The following PDE5A variants were observed in gnomAD, a reference collection of about 807,000 sequenced individuals.
The protein encoded by PDE5A is phosphodiesterase 5A.
A neutral mutation model predicts 110.2 loss-of-function variants in PDE5A; 67 were observed. The observed-to-expected ratio is 0.61, with a 90% confidence interval of 0.50 to 0.75. PDE5A has a LOEUF of 0.75. Among genes scored for constraint, PDE5A ranks in the 30% least tolerant of loss-of-function variants. The pLI is 0.00. For synonymous variants in PDE5A, 328 were observed against 351.2 expected (o/e 0.93, Z 0.74); for missense variants, 862 against 1,045.1 (o/e 0.82, Z 2.42).
At chr4:119,526,414 C>T (rs527945253) in intron 11 of PDE5A, among the ~76,000 whole-genome samples, 8 of 152,246 alleles carry the variant, frequency 5.3e-5, no homozygotes, top group South Asian at 2.1e-4. Context: ...CTGAGCAGAG[C>T]GCACAGGCTC....
chr4:119,570,707 C>T (rs1050272632), intron 3 of PDE5A, among the ~76,000 whole-genome samples: 1 of 152,136 alleles, frequency 6.6e-6, no homozygotes, highest in Non-Finnish European at 1.5e-5. Context: ...AATCCCAATA[C>T]ATTTCCCCAT....
chr4:119,610,965 T>C (rs1197553369), intron 1 of PDE5A, among the ~76,000 whole-genome samples: 1 of 152,164 alleles, frequency 6.6e-6, no homozygotes, highest in African/African-American at 2.4e-5. Flanking sequence ...GCTACCCTAC[T>C]TGGCTTTTCA....
intron 9 of PDE5A, among the ~76,000 whole-genome samples, chr4:119,547,134 A>T: frequency 6.7e-6 from 1 of 148,226 alleles, no homozygotes; most frequent in East Asian, 1.9e-4. Flanking sequence ...TTAAATAACA[A>T]ATTCTTTCTC....
chr4:119,503,820 C>T (rs958635321), intron 18 of PDE5A, among the ~76,000 whole-genome samples: 1 of 152,032 alleles, frequency 6.6e-6, no homozygotes, highest in African/African-American at 2.4e-5. Context: ...ATATTATGTG[C>T]AAATGCATCT....
At chr4:119,611,376 T>C (rs1160135407) in intron 1 of PDE5A, among the ~76,000 whole-genome samples, 2 of 152,220 alleles carry the variant, frequency 1.3e-5, no homozygotes, top group African/African-American at 4.8e-5. Flanking sequence ...TTTCTTGAAG[T>C]AAATGAATAA....
At chr4:119,563,063 C>T in intron 5 of PDE5A, 93 bp from the exon 6 acceptor site, 1 of 1,065,890 alleles carries the variant, frequency 9.4e-7, no homozygotes, top group Non-Finnish European at 1.3e-6. Flanking sequence ...TTTATATAAC[C>T]TAGCAGGTTA....
rs1464771651 is a variant in PDE5A, at chr4:119,501,222, A to G, written c.2438T>C (p.Ile813Thr). The stretch of plus-strand genomic sequence containing the variant: ...TATGAACCCAACTTGCATACTTGGG[A>G]TTTTGTTTTTCTTCTCCCTGTTCAT... ...DLMNREKKNK[I>T]PSMQVGFIDA... is the part of the protein sequence containing the mutation. Residue 813 changes from isoleucine to threonine, a missense_variant, in exon 20 of 21, where the codon ATC becomes ACC. By Grantham distance (89) the Ile-to-Thr change is moderately conservative. Transcript: ENST00000354960. 6 of 1,611,834 alleles carry G rather than the reference A, an allele frequency of 3.7e-6. No individual in the cohort carries two copies. The highest frequency in any genetic ancestry group is 1.3e-5 in the African/African-American group (1 of 74,840).
At chr4:119,542,426 GTA>G in intron 10 of PDE5A, 31 bp downstream of exon 10, 1 of 1,600,582 alleles carries the variant, frequency 6.2e-7, no homozygotes, top group Non-Finnish European at 8.6e-7. Context: ...GGGTTTGGCT[GTA>G]CAGTGTGAGA....
At chr4:119,583,567 T>C (rs1454780801) in intron 3 of PDE5A, among the ~76,000 whole-genome samples, 1 of 152,252 alleles carries the variant, frequency 6.6e-6, no homozygotes, top group African/African-American at 2.4e-5. Flanking sequence ...TTTTGGCCTA[T>C]CTTGGCTTTC....
intron 12 of PDE5A, among the ~76,000 whole-genome samples, chr4:119,521,371 GTT>G (rs775549268): frequency 2.8e-5 from 4 of 140,786 alleles, no homozygotes; most frequent in Non-Finnish European, 3.1e-5. Context: ...CACTGGGTAG[GTT>G]TTTTTTTTTT....
intron 3 of PDE5A, among the ~76,000 whole-genome samples, chr4:119,577,351 C>T (rs1182096948): frequency 6.6e-6 from 1 of 152,176 alleles, no homozygotes; most frequent in African/African-American, 2.4e-5. Context: ...CCAGCATCAT[C>T]CTGATACCAA....
In PDE5A at chr4:119,628,694, G is replaced by A. The variant is rs376348973; in HGVS notation, c.-23C>T. On this transcript the variant is annotated 5_prime_UTR_variant, in exon 1 of 21. Coordinates refer to ENST00000354960, the MANE Select transcript of PDE5A (RefSeq NM_001083.4). Reference sequence around the variant, plus strand: ...CATGGTTGGCACCGCGCGCCTCGGAGGCTCTCTGGTACTGCTTTTCCACCC... The same window carrying A: ...CATGGTTGGCACCGCGCGCCTCGGAAGCTCTCTGGTACTGCTTTTCCACCC... 22 of 1,608,488 alleles carry A rather than the reference G, an allele frequency of 1.4e-5. No homozygotes were observed. In the Admixed American group the frequency reaches 3.2e-4, roughly 23 times the overall value.
At position 119,576,536 on chromosome 4, in the gene PDE5A, C is replaced by T. The variant is rs561497014; in HGVS notation, c.832-9392G>A. Among the ~76,000 whole-genome samples the T allele has an allele frequency of 2.0e-5, 3 of 152,306 alleles. No homozygotes were observed. The East Asian group carries it at 5.8e-4, about 29-fold the overall frequency. ...CTAGAACTCAGGATTAAGAAACTCA[C>T]TCAAAACCGCTCAACTACATGGAAA... On this transcript the variant is annotated intron_variant, in intron 3 of 20. Coordinates refer to ENST00000354960, the MANE Select transcript of PDE5A (RefSeq NM_001083.4).
chr4:119,538,967 G>T lies in PDE5A; in HGVS notation c.1625C>A (p.Ser542Ter), dbSNP rs1433218262. 2 of 1,611,098 alleles carry T rather than the reference G, an allele frequency of 1.2e-6. No homozygotes were observed. ...AAGAAAGAGGATAATTACCGCTAACGACTGTAGCTCTCTTGTTTCTTCCTC... is the reference window on the plus strand; with the variant it reads ...AAGAAAGAGGATAATTACCGCTAACTACTGTAGCTCTCTTGTTTCTTCCTC... ...AAEEETRELQSLAAAVVPSAQ... is the reference protein window; with the variant it reads ...AAEEETRELQ The change falls in exon 11 of 21, where the codon TCG becomes TAG. Residue 542 changes from serine (S) to a stop codon, truncating the protein, a stop_gained. Transcript: ENST00000354960. LOFTEE classifies it high-confidence loss of function.
intron 7 of PDE5A, among the ~76,000 whole-genome samples, chr4:119,558,610 A>G (rs2110501381): frequency 6.6e-6 from 1 of 152,308 alleles, no homozygotes; most frequent in Non-Finnish European, 1.5e-5. Context: ...ACTAAACACC[A>G]TTTTAAATTC....
intron 3 of PDE5A, among the ~76,000 whole-genome samples, chr4:119,572,932 G>C (rs1353468293): frequency 1.3e-5 from 2 of 152,090 alleles, no homozygotes; most frequent in African/African-American, 4.8e-5. Context: ...TCCTACCATA[G>C]TCAACCTTCT....
At chr4:119,509,154 A>G (rs1335762670) in intron 15 of PDE5A, among the ~76,000 whole-genome samples, 2 of 152,018 alleles carry the variant, frequency 1.3e-5, no homozygotes, top group Non-Finnish European at 2.9e-5. Context: ...AATAACATGG[A>G]TTTTGTGAAA....
At chr4:119,516,546 T>C (rs1725913611) in intron 14 of PDE5A, among the ~76,000 whole-genome samples, 1 of 152,228 alleles carries the variant, frequency 6.6e-6, no homozygotes, top group African/African-American at 2.4e-5. Flanking sequence ...TTTTCTCTAG[T>C]GGTTGTCTGC....
intron 3 of PDE5A, among the ~76,000 whole-genome samples, chr4:119,574,663 G>C (rs1417383593): frequency 6.6e-6 from 1 of 152,074 alleles, no homozygotes; most frequent in Non-Finnish European, 1.5e-5. Flanking sequence ...ACAATCCAAA[G>C]TGGCTGCTAA....
Sources: allele counts gnomAD v4.1 joint callset (sites outside exome capture counted in the v4.1 genomes callset), GRCh38; gene constraint gnomAD v4.1.1; transcripts MANE v1.5; gene names NCBI Gene and HGNC (gene_info 2026-07-23, HGNC 2026-07-21).